Variants in RNF128 observed in about 807,000 individuals in gnomAD.
RNF128 encodes the protein ring finger protein 128.
In RNF128, 13 loss-of-function variants were observed where a neutral mutation model predicts 26.2. That is an observed-to-expected ratio of 0.50 (90% CI 0.32 to 0.79). The LOEUF (loss-of-function observed/expected upper bound fraction) is 0.79, where lower values mean the gene tolerates loss of function less well. RNF128 is among the 30% of genes least tolerant of loss of function. The probability of loss-of-function intolerance (pLI) is 0.03; values close to 1 mark genes in which losing one functional copy is unlikely to be tolerated. For synonymous variants in RNF128, 149 were observed against 142.5 expected, an observed-to-expected ratio of 1.05 and a Z score of -0.32; for missense variants, 315 against 349.7, an observed-to-expected ratio of 0.90 and a Z score of 0.79.
chrX:106,743,888 T>C (rs1446486908), intron 1 of RNF128, among the ~76,000 whole-genome samples: 5 of 107,027 alleles, frequency 4.7e-5, no homozygotes, highest in Non-Finnish European at 5.9e-5. Context: ...ATTAAGAAAA[T>C]GTGGCACATA....
In RNF128 at chrX:106,694,019, G is replaced by C. The variant is rs771489954; in HGVS notation, c.17G>C (p.Arg6Thr). Reference sequence around the variant, plus strand: ...GAATGAGCAATGAACCAGGAGAATAGGTCCAGTTTTTTTTGGCTCCTTGTA... The same window carrying C: ...GAATGAGCAATGAACCAGGAGAATACGTCCAGTTTTTTTTGGCTCCTTGTA... The change falls in exon 1 of 7, where the codon AGG (arginine) becomes ACG (threonine). Residue 6 changes from arginine to threonine, a missense_variant. Transcript: ENST00000324342. 1.5e-5 allele frequency: 18 copies of C among 1,198,967 alleles called. No individual in the cohort carries two copies. The South Asian group carries it at 2.8e-4, about 18-fold the overall frequency.
intron 2 of RNF128, 83 bp from the exon 3 acceptor site, chrX:106,784,982 T>C (rs1930629645): frequency 1.5e-6 from 1 of 669,439 alleles, no homozygotes; most frequent in Admixed American, 3.6e-5. Context: ...ACCTGATAAA[T>C]ATTTATTGAT....
At chrX:106,694,990 T>C (rs1928853099) in intron 1 of RNF128, among the ~76,000 whole-genome samples, 1 of 111,628 alleles carries the variant, frequency 9.0e-6, no homozygotes, top group African/African-American at 3.2e-5. Context: ...AGGATAACAC[T>C]GTAATTAACA....
At chrX:106,738,684 G>C (rs1929642733) in intron 1 of RNF128, among the ~76,000 whole-genome samples, 1 of 111,998 alleles carries the variant, frequency 8.9e-6, no homozygotes, top group Non-Finnish European at 1.9e-5. Flanking sequence ...GAATCAAATG[G>C]ATTTGGTATG....
intron 1 of RNF128, among the ~76,000 whole-genome samples, chrX:106,713,213 T>A (rs1929159679): frequency 9.8e-6 from 1 of 102,346 alleles, no homozygotes; most frequent in African/African-American, 3.5e-5. Context: ...AAAAAAAAAA[T>A]ACAAGCAAAT....
chrX:106,779,609 A>G (rs925584447), intron 2 of RNF128, among the ~76,000 whole-genome samples: 1 of 110,754 alleles, frequency 9.0e-6, no homozygotes, highest in African/African-American at 3.3e-5. Context: ...ATTTCTTTGA[A>G]AAAAATGCTG....
chrX:106,795,632 T>G lies in RNF128; in HGVS notation c.1206T>G (p.Val402=), dbSNP rs1930902010. 1.7e-6 allele frequency: 2 copies of G among 1,201,812 alleles called. No homozygotes were observed. Among genetic ancestry groups the G allele is most frequent in the African/African-American group, 1.7e-5 (1 of 57,447 alleles). ...NHEANSVAVD[V]IPHVDNPTFE... ...AAGCAAATTCTGTGGCAGTGGATGT[T>G]ATTCCTCATGTTGACAACCCAACCT... The change falls in exon 7 of 7, where the codon GTT becomes GTG. Residue 402 remains valine, a synonymous_variant. Coordinates refer to ENST00000255499, the MANE Select transcript of RNF128 (RefSeq NM_194463.2).
chrX:106,711,290 G>A (rs892942900), intron 1 of RNF128, among the ~76,000 whole-genome samples: 2 of 111,857 alleles, frequency 1.8e-5, no homozygotes, highest in African/African-American at 6.5e-5. Flanking sequence ...ATATCCTCTT[G>A]TGGATGGTAG....
intron 1 of RNF128, among the ~76,000 whole-genome samples, chrX:106,739,374 G>T (rs1043769128): frequency 9.0e-6 from 1 of 110,702 alleles, no homozygotes; most frequent in Non-Finnish European, 1.9e-5. Flanking sequence ...GGCCAGGCTG[G>T]TCTCAAACTC....
chrX:106,736,069 A>G (rs1929591858), intron 1 of RNF128, among the ~76,000 whole-genome samples: 1 of 111,449 alleles, frequency 9.0e-6, no homozygotes, highest in Non-Finnish European at 1.9e-5. Context: ...GAAGAATTCA[A>G]TATATTGGTA....
intron 1 of RNF128, among the ~76,000 whole-genome samples, chrX:106,697,934 G>GTA (rs1269366799): frequency 7.5e-4 from 81 of 108,216 alleles, no homozygotes; most frequent in African/African-American, 2.6e-3. Context: ...AAACATATAT[G>GTA]TATATATACA....
upstream of RNF128, among the ~76,000 whole-genome samples, chrX:106,724,542 C>T (rs1929363749): frequency 8.9e-6 from 1 of 112,151 alleles, no homozygotes; most frequent in Non-Finnish European, 1.9e-5. Flanking sequence ...TGTTACCACC[C>T]TCCCTCTGTT....
chrX:106,712,882 CT>C lies in RNF128; in HGVS notation c.406+18489del, dbSNP rs770554444. 2.3e-3 allele frequency among the ~76,000 whole-genome samples: 217 copies of C among 95,043 alleles called. 1 individual carries two copies. The highest frequency in any genetic ancestry group is 2.4e-3 in the Non-Finnish European group (114 of 48,187). 82.5% of individuals were successfully genotyped at this position (95,043 alleles called of 115,157 possible). On this transcript the variant is annotated intron_variant, in intron 1 of 6. Transcript: ENST00000324342. ...TTGAAGTTATGAGTAGATAAAGTTA[CT>C]TTTTTTTTTTTTTTGAGATGGAGTC...
At chrX:106,762,892 G>T (rs958276113) in intron 1 of RNF128, among the ~76,000 whole-genome samples, 16 of 109,047 alleles carry the variant, frequency 1.5e-4, no homozygotes, top group African/African-American at 5.0e-4. Context: ...AAGGGAGGAG[G>T]ATGAATACCT....
At chrX:106,704,226 G>C (rs761591875) in intron 1 of RNF128, among the ~76,000 whole-genome samples, 6 of 109,865 alleles carry the variant, frequency 5.5e-5, no homozygotes, top group Non-Finnish European at 7.6e-5. Context: ...ACGAGGTCAG[G>C]AGATCAAAAC....
chrX:106,706,014 A>C (rs1385717385), intron 1 of RNF128, among the ~76,000 whole-genome samples: 2 of 111,676 alleles, frequency 1.8e-5, no homozygotes, highest in African/African-American at 6.5e-5. Flanking sequence ...TCATTACCTC[A>C]ATAAGGGCAG....
intron 5 of RNF128, among the ~76,000 whole-genome samples, chrX:106,790,794 C>T (rs189191780): frequency 9.1e-5 from 10 of 109,950 alleles, no homozygotes; most frequent in African/African-American, 3.3e-4. Context: ...AACTTGTACC[C>T]AGCATTATTT....
chrX:106,792,950 C>T (rs1480798457), intron 6 of RNF128, among the ~76,000 whole-genome samples: 5 of 111,949 alleles, frequency 4.5e-5, no homozygotes, highest in Non-Finnish European at 9.4e-5. Flanking sequence ...AAGAATCTTG[C>T]GTATTAGCCA....
At chrX:106,783,753 G>A (rs2078235900) in intron 2 of RNF128, among the ~76,000 whole-genome samples, 1 of 111,498 alleles carries the variant, frequency 9.0e-6, no homozygotes, top group South Asian at 3.8e-4. Flanking sequence ...TATACAAGAA[G>A]CTTGGCGCCA....
Sources: gnomAD v4.1 joint callset for allele counts (sites outside exome capture counted in the v4.1 genomes callset) on GRCh38, gnomAD v4.1.1 for gene constraint, MANE v1.5 for transcripts, NCBI Gene and HGNC (gene_info 2026-07-23, HGNC 2026-07-21) for gene names.